Variants in SYT16 observed in about 807,000 individuals in gnomAD.
SYT16 encodes the protein synaptotagmin 16, also known as synaptotagmin-16.
Under a neutral mutation model 61.4 loss-of-function variants are expected in SYT16, and 42 were observed. The ratio of observed to expected loss-of-function variants is 0.68; its 90% confidence interval spans 0.53 to 0.89. The LOEUF (loss-of-function observed/expected upper bound fraction) is 0.89. Among genes scored for constraint, SYT16 ranks in the 40% least tolerant of loss-of-function variants. SYT16 has a pLI of 0.00. For missense variants in SYT16, 804 were observed against 807.3 expected (o/e 1.00, Z 0.05); for synonymous variants, 314 against 302.3 (o/e 1.04, Z -0.40).
intron 1 of SYT16, among the ~76,000 whole-genome samples, chr14:61,898,223 T>G (rs1038587214): frequency 1.3e-5 from 2 of 152,162 alleles, no homozygotes; most frequent in Non-Finnish European, 2.9e-5. Flanking sequence ...ATAATTGAAT[T>G]CTTCCCTGTA....
chr14:61,979,268 T>C (rs12372849), intron 2 of SYT16, among the ~76,000 whole-genome samples: 26,297 of 152,182 alleles, frequency 0.17, 2,954 homozygotes, highest in Non-Finnish European at 0.25. Context: ...GCTCATCTTA[T>C]AGTTGTAAAT....
At chr14:61,889,579 GCTCTTGCTCC>G (rs986806788) in intron 1 of SYT16, among the ~76,000 whole-genome samples, 2 of 151,088 alleles carry the variant, frequency 1.3e-5, no homozygotes, top group African/African-American at 4.9e-5. Context: ...CCCTCTGCTC[GCTCTTGCTCC>G]CTCTCTCTCT....
At chr14:62,076,996 T>C (rs2056519706) in intron 5 of SYT16, among the ~76,000 whole-genome samples, 1 of 152,186 alleles carries the variant, frequency 6.6e-6, no homozygotes, top group Admixed American at 6.5e-5. Flanking sequence ...GAGAAAAAAC[T>C]GTAATTTGGT....
intron 1 of SYT16, among the ~76,000 whole-genome samples, chr14:61,871,852 G>GA (rs1474697677): frequency 1.3e-5 from 2 of 152,128 alleles, no homozygotes; most frequent in African/African-American, 4.8e-5. Flanking sequence ...TGTCCTCTAT[G>GA]AAGTTTTTAG....
intron 7 of SYT16, among the ~76,000 whole-genome samples, chr14:62,097,240 A>G (rs1314988596): frequency 6.6e-6 from 1 of 152,064 alleles, no homozygotes; most frequent in African/African-American, 2.4e-5. Flanking sequence ...GACTAGTAAA[A>G]CAGTTGACAG....
intron 1 of SYT16, among the ~76,000 whole-genome samples, chr14:61,881,838 T>C (rs1344466013): frequency 2.6e-4 from 39 of 152,162 alleles, no homozygotes; most frequent in Non-Finnish European, 4.4e-5. Flanking sequence ...GTCCCCCTCC[T>C]CCACTAGTAT....
intron 1 of SYT16, among the ~76,000 whole-genome samples, chr14:61,834,800 C>G (rs1465794054): frequency 6.6e-6 from 1 of 152,118 alleles, no homozygotes; most frequent in East Asian, 1.9e-4. Flanking sequence ...TATATAAATA[C>G]TGTTTGATGC....
chr14:62,030,234 A>G (rs1303343590), intron 3 of SYT16, among the ~76,000 whole-genome samples: 10 of 152,186 alleles, frequency 6.6e-5, no homozygotes, highest in Non-Finnish European at 1.2e-4. Context: ...ATTTTTGCCA[A>G]TGTCTCTGAC....
intron 2 of SYT16, among the ~76,000 whole-genome samples, chr14:61,992,680 T>A (rs2052600928): frequency 6.6e-6 from 1 of 152,070 alleles, no homozygotes; most frequent in South Asian, 2.1e-4. Context: ...TATGCCACAG[T>A]ACAGAATTTG....
intron 3 of SYT16, among the ~76,000 whole-genome samples, chr14:62,024,206 A>G (rs181320964): frequency 6.6e-6 from 1 of 152,230 alleles, no homozygotes; most frequent in East Asian, 1.9e-4. Context: ...AAGTCGTGCA[A>G]AATAGCTAGA....
chr14:61,935,362 C>T (rs1009638090), intron 1 of SYT16, among the ~76,000 whole-genome samples: 15 of 152,212 alleles, frequency 9.9e-5, no homozygotes, highest in Admixed American at 2.0e-4. Flanking sequence ...CCTTTTCTTT[C>T]TATCTGGTGG....
intron 1 of SYT16, among the ~76,000 whole-genome samples, chr14:61,845,571 T>C (rs2046423012): frequency 6.6e-6 from 1 of 152,220 alleles, no homozygotes; most frequent in South Asian, 2.1e-4. Flanking sequence ...TTTATTTATT[T>C]GGATCTTCTC....
intron 5 of SYT16, among the ~76,000 whole-genome samples, chr14:62,076,007 A>G (rs2056483364): frequency 6.6e-6 from 1 of 152,224 alleles, no homozygotes; most frequent in Non-Finnish European, 1.5e-5. Flanking sequence ...CTCTGATAAA[A>G]GATACTTCTT....
chr14:62,099,790 A>G (rs1000993067), intron 7 of SYT16, among the ~76,000 whole-genome samples: 6 of 152,094 alleles, frequency 3.9e-5, no homozygotes, highest in African/African-American at 1.4e-4. Context: ...ATGGGGTAGG[A>G]TCGCTTTGGG....
intron 1 of SYT16, among the ~76,000 whole-genome samples, chr14:61,899,905 C>T (rs2048452476): frequency 6.6e-6 from 1 of 152,096 alleles, no homozygotes; most frequent in Admixed American, 6.5e-5. Context: ...CCAAAAAGTT[C>T]CCCTTTCTTG....
At chr14:61,922,670 A>G (rs1260112979) in intron 1 of SYT16, among the ~76,000 whole-genome samples, 1 of 152,206 alleles carries the variant, frequency 6.6e-6, no homozygotes, top group South Asian at 2.1e-4. Context: ...AAACTTGTAC[A>G]TGTGCCCCTG....
chr14:62,046,206 T>C (rs368803956), intron 3 of SYT16, among the ~76,000 whole-genome samples: 57,225 of 151,236 alleles, frequency 0.38, 14,673 homozygotes, highest in African/African-American at 0.74. Context: ...TGGCCAGTGA[T>C]GATGAGCATT....
chr14:61,875,291 G>A (rs940331455), intron 1 of SYT16, among the ~76,000 whole-genome samples: 6 of 152,118 alleles, frequency 3.9e-5, no homozygotes, highest in Admixed American at 2.6e-4. Flanking sequence ...TCTCCCTTCT[G>A]TGACTTTGAC....
intron 1 of SYT16, among the ~76,000 whole-genome samples, chr14:61,945,839 G>C (rs1450343516): frequency 8.9e-6 from 1 of 112,600 alleles, no homozygotes; most frequent in Non-Finnish European, 1.7e-5. Context: ...CTGGGCGACA[G>C]AGCGAGACTC....
Sources: gnomAD v4.1 joint callset for allele counts (sites outside exome capture counted in the v4.1 genomes callset) on GRCh38, gnomAD v4.1.1 for gene constraint, MANE v1.5 for transcripts, NCBI Gene and HGNC (gene_info 2026-07-23, HGNC 2026-07-21) for gene names.